Variants in SYT16 observed in about 807,000 individuals in gnomAD.
SYT16 encodes the protein synaptotagmin-16.
Under a neutral mutation model 61.4 loss-of-function variants are expected in SYT16, and 42 were observed. That is an observed-to-expected ratio of 0.68 (90% CI 0.53 to 0.89). SYT16 has a LOEUF of 0.89. SYT16 is among the 40% of genes least tolerant of loss of function. The pLI is 0.00. For synonymous variants in SYT16, 314 were observed against 302.3 expected, an observed-to-expected ratio of 1.04 and a Z score of -0.40; for missense variants, 804 against 807.3, an observed-to-expected ratio of 1.00 and a Z score of 0.05.
chr14:62,024,087 A>G (rs7156440), intron 3 of SYT16, among the ~76,000 whole-genome samples: 93,286 of 151,920 alleles, frequency 0.61, 30,495 homozygotes, highest in African/African-American at 0.85. Context: ...TATTAGTAAA[A>G]CAGCTCAGAT....
chr14:61,888,230 G>T (rs373432089), intron 1 of SYT16, among the ~76,000 whole-genome samples: 2 of 149,698 alleles, frequency 1.3e-5, no homozygotes, highest in African/African-American at 4.9e-5. Context: ...CGATTCTCCT[G>T]CCTCAGCCTC....
chr14:62,054,140 G>A (rs979781620), intron 3 of SYT16, among the ~76,000 whole-genome samples: 2 of 152,102 alleles, frequency 1.3e-5, no homozygotes, highest in Non-Finnish European at 1.5e-5. Flanking sequence ...AGGCATCCAC[G>A]GCATAGAAGT....
chr14:62,016,362 T>C (rs190998851), intron 3 of SYT16, among the ~76,000 whole-genome samples: 5 of 152,164 alleles, frequency 3.3e-5, no homozygotes, highest in East Asian at 1.9e-4. Flanking sequence ...TCATCATCAT[T>C]TGAGTCTTTG....
intron 1 of SYT16, among the ~76,000 whole-genome samples, chr14:61,816,522 GAGTT>G (rs2045431454): frequency 6.6e-6 from 1 of 152,172 alleles, no homozygotes; most frequent in Admixed American, 6.5e-5. Flanking sequence ...TAGACAAAGA[GAGTT>G]AGAAAATTAC....
chr14:61,844,270 A>C (rs528815609), intron 1 of SYT16, among the ~76,000 whole-genome samples: 3 of 152,232 alleles, frequency 2.0e-5, no homozygotes, highest in African/African-American at 7.2e-5. Flanking sequence ...TATCAGTTCT[A>C]ATAGTTTTTT....
At chr14:61,855,376 C>T (rs150574813) in intron 1 of SYT16, among the ~76,000 whole-genome samples, 3 of 152,196 alleles carry the variant, frequency 2.0e-5, no homozygotes, top group Admixed American at 1.3e-4. Context: ...AATTGTAAGT[C>T]GAAAATGTGT....
At chr14:61,951,161 A>G (rs905660891) in intron 1 of SYT16, among the ~76,000 whole-genome samples, 1 of 152,210 alleles carries the variant, frequency 6.6e-6, no homozygotes, top group Non-Finnish European at 1.5e-5. Context: ...ATTCTTAGTA[A>G]CAGGGTGAAC....
chr14:61,975,469 C>G (rs964923903), intron 2 of SYT16, among the ~76,000 whole-genome samples: 4 of 152,166 alleles, frequency 2.6e-5, no homozygotes, highest in African/African-American at 9.7e-5. Flanking sequence ...TTCAGCATGT[C>G]TGTAGAGGTC....
At chr14:61,933,144 G>A (rs1377257505) in intron 1 of SYT16, among the ~76,000 whole-genome samples, 1 of 152,198 alleles carries the variant, frequency 6.6e-6, no homozygotes, top group Non-Finnish European at 1.5e-5. Context: ...GTCGGTTTAT[G>A]GAGTGTTCCG....
At chr14:62,016,758 C>T (rs369678853) in intron 3 of SYT16, among the ~76,000 whole-genome samples, 1 of 151,930 alleles carries the variant, frequency 6.6e-6, no homozygotes, top group African/African-American at 2.4e-5. Flanking sequence ...TAATGGGATT[C>T]TTGTCAAATT....
Position 62,081,214 on chromosome 14 carries a change from C to A in SYT16, c.1374C>A (p.His458Gln). 5.0e-6 allele frequency: 8 copies of A among 1,613,918 alleles called. No individual in the cohort carries two copies. The highest frequency in any genetic ancestry group is 5.9e-6 in the Non-Finnish European group (7 of 1,179,874). ...MMGEKLFYLSHLHPEGEMKVT... is the reference protein window; with the variant it reads ...MMGEKLFYLSQLHPEGEMKVT... The stretch of plus-strand genomic sequence containing the variant: ...GAGAGAAACTATTCTATCTCAGCCA[C>A]CTGCACCCAGAAGGGGAAATGAAAG... Residue 458 changes from histidine (H) to glutamine (Q), a missense_variant, in exon 6 of 8, where the codon CAC becomes CAA. Coordinates refer to ENST00000683842, the MANE Select transcript of SYT16 (RefSeq NM_001367656.1).
At chr14:61,892,373 CCCTCGCTTTGT>C (rs2048168013) in intron 1 of SYT16, among the ~76,000 whole-genome samples, 1 of 152,104 alleles carries the variant, frequency 6.6e-6, no homozygotes, top group African/African-American at 2.4e-5. Flanking sequence ...TCTCTCTTTG[CCCTCGCTTTGT>C]CCCCACTGCT....
At position 62,105,571 on chromosome 14, in the gene SYT16, A is replaced by G. The variant is rs1319000519; in HGVS notation, c.*4864A>G. ...TATGAGATCCTAATGAAAGAAATTC[A>G]GTTGATACTACTTTTTAAAATGGGT... On this transcript the variant is annotated 3_prime_UTR_variant, in exon 8 of 8. Transcript: ENST00000683842. 6.6e-6 allele frequency: 1 copy of G among 152,246 alleles called. No individual in the cohort carries two copies. The highest frequency in any genetic ancestry group is 6.5e-5 in the Admixed American group (1 of 15,288). 9.4% of individuals were successfully genotyped at this position (152,246 alleles called of 1,614,324 possible).
intron 1 of SYT16, among the ~76,000 whole-genome samples, chr14:61,969,592 C>G (rs1441731465): frequency 6.6e-6 from 1 of 152,182 alleles, no homozygotes; most frequent in Non-Finnish European, 1.5e-5. Flanking sequence ...TTTCTTATTG[C>G]TGTTGATAAC....
intron 1 of SYT16, among the ~76,000 whole-genome samples, chr14:61,823,015 A>G (rs948172387): frequency 2.0e-5 from 3 of 152,098 alleles, no homozygotes; most frequent in Non-Finnish European, 4.4e-5. Context: ...TTTTTGAGAC[A>G]GAGTTTCATT....
chr14:61,825,633 G>A (rs1315978036), intron 1 of SYT16, among the ~76,000 whole-genome samples: 1 of 152,178 alleles, frequency 6.6e-6, no homozygotes. Flanking sequence ...GCAGTGAGCT[G>A]AGATCATGCC....
chr14:61,905,364 G>A (rs1185670332), intron 1 of SYT16, among the ~76,000 whole-genome samples: 1 of 152,278 alleles, frequency 6.6e-6, no homozygotes, highest in Admixed American at 6.5e-5. Flanking sequence ...TAGTGCAAAA[G>A]TAATTGCGGG....
chr14:62,059,990 T>C (rs943288431), intron 3 of SYT16, among the ~76,000 whole-genome samples: 2 of 152,080 alleles, frequency 1.3e-5, no homozygotes, highest in African/African-American at 4.8e-5. Context: ...TCTATCCTTT[T>C]GCCAATAGCA....
At chr14:61,884,021 G>C (rs2047799338) in intron 1 of SYT16, among the ~76,000 whole-genome samples, 1 of 152,098 alleles carries the variant, frequency 6.6e-6, no homozygotes. Context: ...TGACATGTGG[G>C]GATTATGGAG....
Sources: allele counts gnomAD v4.1 joint callset (sites outside exome capture counted in the v4.1 genomes callset), GRCh38; gene constraint gnomAD v4.1.1; transcripts MANE v1.5; gene names NCBI Gene and HGNC (gene_info 2026-07-23, HGNC 2026-07-21).